HS3ST2: variants seen among roughly 807,000 people sequenced by gnomAD.
HS3ST2 encodes the protein heparan sulfate glucosamine 3-O-sulfotransferase 2.
HS3ST2 carries 17 observed loss-of-function variants against 26.3 expected under a neutral mutation model. That is an observed-to-expected ratio of 0.65 (90% CI 0.44 to 0.97). The LOEUF is 0.97. HS3ST2 is among the 50% of genes least tolerant of loss of function. The pLI is 0.00. For missense variants in HS3ST2, 402 were observed against 501.2 expected, an observed-to-expected ratio of 0.80 and a Z score of 1.89; for synonymous variants, 237 against 219.2, an observed-to-expected ratio of 1.08 and a Z score of -0.72.
At position 22,847,451 on chromosome 16, in the gene HS3ST2, A is replaced by G. The variant is rs1901452198; in HGVS notation, c.485+32356A>G. Among the ~76,000 whole-genome samples the G allele has an allele frequency of 2.6e-5, 4 of 152,228 alleles. No homozygotes were observed. In the South Asian group the frequency reaches 8.3e-4, roughly 32 times the overall value. Reference sequence around the variant, plus strand: ...ACATTTAGATAAATATCATTTATGTAAATTTTTAAAAACCCATTTGCAAAT... The same window carrying G: ...ACATTTAGATAAATATCATTTATGTGAATTTTTAAAAACCCATTTGCAAAT... On this transcript the variant is annotated intron_variant, in intron 1 of 1. Transcript: ENST00000261374.
At chr16:22,893,621 C>CT (rs1318375535) in intron 1 of HS3ST2, among the ~76,000 whole-genome samples, 3 of 107,040 alleles carry the variant, frequency 2.8e-5, no homozygotes, top group African/African-American at 1.1e-4. Context: ...TTTCTTTTTT[C>CT]TTTTTTTCTT....
At chr16:22,910,834 G>A (rs1219218158) in intron 1 of HS3ST2, among the ~76,000 whole-genome samples, 1 of 152,150 alleles carries the variant, frequency 6.6e-6, no homozygotes, top group Non-Finnish European at 1.5e-5. Flanking sequence ...GGATGGGTGA[G>A]CCCTTGCATA....
intron 1 of HS3ST2, among the ~76,000 whole-genome samples, chr16:22,867,887 A>C (rs539652156): frequency 6.6e-6 from 1 of 152,358 alleles, no homozygotes; most frequent in East Asian, 1.9e-4. Context: ...ACTATTAAAA[A>C]ATGCAAATAA....
chr16:22,814,716 A>T lies in HS3ST2; in HGVS notation c.106A>T (p.Ser36Cys). 6.2e-7 allele frequency: 1 copy of T among 1,609,276 alleles called. No individual in the cohort carries two copies. Among genetic ancestry groups the T allele is most frequent in the Non-Finnish European group, 8.5e-7 (1 of 1,178,542 alleles). The change falls in exon 1 of 2, where the codon AGC (serine) becomes TGC (cysteine). Residue 36 changes from serine to cysteine, a missense_variant. Ser to Cys is a moderately radical substitution (Grantham distance 112). Transcript: ENST00000261374. Reference protein sequence around the residue: ...LSLSCTYLCYSFLCCCDDLGR... With the variant: ...LSLSCTYLCYCFLCCCDDLGR... Reference sequence around the variant, plus strand: ...GCTCTCCTGCACTTACCTGTGTTACAGCTTCCTGTGCTGCTGCGACGACCT... The same window carrying T: ...GCTCTCCTGCACTTACCTGTGTTACTGCTTCCTGTGCTGCTGCGACGACCT...
At chr16:22,892,453 C>T (rs208614) in intron 1 of HS3ST2, among the ~76,000 whole-genome samples, 131,894 of 152,160 alleles carry the variant, frequency 0.87, 57,587 homozygotes, top group East Asian at 1. Context: ...TATTTTCTGA[C>T]TTTTTTAACC....
At chr16:22,912,771 T>A (rs192855236) in intron 1 of HS3ST2, among the ~76,000 whole-genome samples, 88 of 152,196 alleles carry the variant, frequency 5.8e-4, no homozygotes, top group African/African-American at 2.0e-3. Flanking sequence ...AGCTTCCAAG[T>A]CATCAGGTTG....
At chr16:22,819,985 C>A (rs1299064871) in intron 1 of HS3ST2, among the ~76,000 whole-genome samples, 6 of 152,222 alleles carry the variant, frequency 3.9e-5, no homozygotes, top group South Asian at 4.1e-4. Context: ...GATCAACACA[C>A]AAAACAGACT....
At chr16:22,841,458 C>T (rs1186290629) in intron 1 of HS3ST2, among the ~76,000 whole-genome samples, 1 of 152,196 alleles carries the variant, frequency 6.6e-6, no homozygotes, top group Non-Finnish European at 1.5e-5. Flanking sequence ...CCTTCAGCTA[C>T]TTGGGAAATT....
intron 1 of HS3ST2, among the ~76,000 whole-genome samples, chr16:22,843,320 C>G (rs748414002): frequency 6.6e-6 from 1 of 152,116 alleles, no homozygotes; most frequent in Non-Finnish European, 1.5e-5. Context: ...TCCTCTAATT[C>G]AATTCTGACA....
At chr16:22,820,188 G>A (rs1299979936) in intron 1 of HS3ST2, among the ~76,000 whole-genome samples, 3 of 152,020 alleles carry the variant, frequency 2.0e-5, no homozygotes, top group Non-Finnish European at 4.4e-5. Flanking sequence ...CATTTGTCTT[G>A]CAGCACTCTG....
At chr16:22,895,014 A>T (rs1902188539) in intron 1 of HS3ST2, among the ~76,000 whole-genome samples, 1 of 151,632 alleles carries the variant, frequency 6.6e-6, no homozygotes, top group Non-Finnish European at 1.5e-5. Flanking sequence ...GGTTTGATTC[A>T]GCGTGTTATG....
intron 1 of HS3ST2, among the ~76,000 whole-genome samples, chr16:22,826,713 C>T (rs1567480715): frequency 6.6e-6 from 1 of 152,088 alleles, no homozygotes; most frequent in South Asian, 2.1e-4. Context: ...TGAGTCTGTT[C>T]GGGGCTACAA....
chr16:22,815,414 C>G (rs181965816), intron 1 of HS3ST2, among the ~76,000 whole-genome samples: 20 of 152,296 alleles, frequency 1.3e-4, no homozygotes, highest in Admixed American at 5.2e-4. Context: ...AAGGAAGGGA[C>G]AGGCGAGGAC....
chr16:22,828,912 G>A (rs1901129483), intron 1 of HS3ST2, among the ~76,000 whole-genome samples: 1 of 152,204 alleles, frequency 6.6e-6, no homozygotes. Context: ...ATTTCATGGA[G>A]AAGGAAAGAA....
chr16:22,915,355 G>A lies in HS3ST2; in HGVS notation c.897G>A (p.Thr299=), dbSNP rs371876725. The A allele has an allele frequency of 3.8e-5, 62 of 1,613,562 alleles. No homozygotes were observed. The highest frequency in any genetic ancestry group is 2.9e-4 in the African/African-American group (22 of 74,788). ...TCCTGGGCATTAAGAGATTCATCACGGACAAGCACTTCTATTTCAACAAGA... is the reference window on the plus strand; with the variant it reads ...TCCTGGGCATTAAGAGATTCATCACAGACAAGCACTTCTATTTCAACAAGA... ...QDFLGIKRFI[T]DKHFYFNKTK... Residue 299 remains threonine, a synonymous_variant, in exon 2 of 2, where the codon ACG becomes ACA. Transcript: ENST00000261374.
rs1450318019 is a variant in HS3ST2 at position 22,858,626 on chromosome 16, G to A, written c.485+43531G>A. Reference sequence around the variant, plus strand: ...CTCGGGAAGTAGTCATTTTTATAAGGATGTGAGAGTAGAAAAAGACAAACT... The same window carrying A: ...CTCGGGAAGTAGTCATTTTTATAAGAATGTGAGAGTAGAAAAAGACAAACT... On this transcript the variant is annotated intron_variant, in intron 1 of 1. Transcript: ENST00000261374. 2.6e-5 allele frequency among the ~76,000 whole-genome samples: 4 copies of A among 151,948 alleles called. No individual in the cohort carries two copies. The South Asian group carries it at 8.3e-4, about 32-fold the overall frequency.
chr16:22,848,205 C>T (rs1901471257), intron 1 of HS3ST2, among the ~76,000 whole-genome samples: 1 of 152,228 alleles, frequency 6.6e-6, no homozygotes, highest in African/African-American at 2.4e-5. Context: ...GAGCCTCTAC[C>T]ACTTATTGCC....
chr16:22,908,825 A>C (rs56375268), intron 1 of HS3ST2, among the ~76,000 whole-genome samples: 11,616 of 152,288 alleles, frequency 0.076, 546 homozygotes, highest in African/African-American at 0.11. Context: ...AAATTTCAAC[A>C]TGAGTTTTGG....
At chr16:22,891,049 G>A (rs956062489) in intron 1 of HS3ST2, among the ~76,000 whole-genome samples, 4 of 152,192 alleles carry the variant, frequency 2.6e-5, no homozygotes, top group African/African-American at 9.7e-5. Context: ...TTTAAAAAAC[G>A]AGCAGATGTG....
Sources: allele counts gnomAD v4.1 joint callset (sites outside exome capture counted in the v4.1 genomes callset), GRCh38; gene constraint gnomAD v4.1.1; transcripts MANE v1.5; gene names NCBI Gene and HGNC (gene_info 2026-07-23, HGNC 2026-07-21).